The following PLEKHA5 variants were observed in gnomAD, a reference collection of about 807,000 sequenced individuals.
PLEKHA5 encodes the protein pleckstrin homology domain-containing family A member 5.
A neutral mutation model predicts 181.9 loss-of-function variants in PLEKHA5; 55 were observed. The observed-to-expected ratio is 0.30, with a 90% CI of 0.24 to 0.38. The LOEUF (loss-of-function observed/expected upper bound fraction) is 0.38. PLEKHA5 is among the 10% of genes least tolerant of loss of function. PLEKHA5 has a pLI of 1.00. For missense variants in PLEKHA5, 1,432 were observed against 1,549.5 expected (o/e 0.92, Z 1.27); for synonymous variants, 535 against 529.4 (o/e 1.01, Z -0.15).
intron 20 of PLEKHA5, among the ~76,000 whole-genome samples, chr12:19,326,349 C>G (rs556883598): frequency 3.9e-5 from 6 of 152,276 alleles, no homozygotes; most frequent in African/African-American, 1.4e-4. Context: ...ATTTGAATTA[C>G]ATTTTTGCTG....
chr12:19,178,605 C>G (rs920322594), intron 3 of PLEKHA5, among the ~76,000 whole-genome samples: 1 of 152,186 alleles, frequency 6.6e-6, no homozygotes, highest in African/African-American at 2.4e-5. Context: ...TTTTGAGAAC[C>G]TGCTTACCTC....
chr12:19,334,309 A>G (rs917104430), intron 20 of PLEKHA5, among the ~76,000 whole-genome samples: 19 of 152,212 alleles, frequency 1.2e-4, no homozygotes, highest in Admixed American at 1.2e-3. Context: ...AGGACTCTCC[A>G]GGTTAGGAAA....
chr12:19,263,115 G>A (rs1454524192), intron 7 of PLEKHA5, among the ~76,000 whole-genome samples: 3 of 152,022 alleles, frequency 2.0e-5, no homozygotes, highest in Non-Finnish European at 4.4e-5. Context: ...TTATCAATAA[G>A]AAATATTAGA....
chr12:19,211,205 G>GC (rs1299639516), intron 3 of PLEKHA5, among the ~76,000 whole-genome samples: 4 of 152,020 alleles, frequency 2.6e-5, no homozygotes, highest in South Asian at 4.2e-4. Context: ...CACATACCCT[G>GC]CCCCCACCAA....
At position 19,359,517 on chromosome 12, in the gene PLEKHA5, G is replaced by A. The variant is rs139797445; in HGVS notation, c.3454G>A (p.Glu1152Lys). The A allele has an allele frequency of 3.4e-5, 55 of 1,613,856 alleles. No individual in the cohort carries two copies. Among genetic ancestry groups the A allele is most frequent in the Middle Eastern group, 1.6e-4 (1 of 6,062 alleles). The change falls in exon 28 of 32, where the codon GAA (glutamate) becomes AAA (lysine). Residue 1152 changes from glutamate to lysine, a missense_variant. Physicochemically the swap from Glu to Lys is moderately conservative, Grantham distance 56 (BLOSUM62 1). Around this residue, in one of 2 missense-constraint regions of PLEKHA5, gnomAD observed 1,143 missense variants for 1,168.4 expected, o/e 0.98. Transcript: ENST00000429027. Reference sequence around the variant, plus strand: ...AGAAATTGTTCAACTAAAAGAAACCGAACCCCAAAATGTGGACTTCAGCAA... The same window carrying A: ...AGAAATTGTTCAACTAAAAGAAACCAAACCCCAAAATGTGGACTTCAGCAA... ...ATEIVQLKET[E>K]PQNVDFSKEL... is the part of the protein sequence containing the mutation.
intron 20 of PLEKHA5, among the ~76,000 whole-genome samples, chr12:19,325,623 G>C (rs2091916484): frequency 2.0e-5 from 3 of 151,110 alleles, no homozygotes; most frequent in Admixed American, 2.0e-4. Context: ...GGGAGGCGGT[G>C]GTTGCAGTGA....
intron 1 of PLEKHA5, 53 bp downstream of exon 1, chr12:19,129,941 G>A (rs2032871898): frequency 6.5e-7 from 1 of 1,530,248 alleles, no homozygotes; most frequent in Non-Finnish European, 8.9e-7. Context: ...GGCAGGAGGC[G>A]GGCGGCTGGC....
intron 3 of PLEKHA5, among the ~76,000 whole-genome samples, chr12:19,235,344 T>A (rs1196340636): frequency 6.6e-6 from 1 of 152,236 alleles, no homozygotes; most frequent in Non-Finnish European, 1.5e-5. Context: ...AAAATTTTTA[T>A]ATCAGTAGCA....
At position 19,369,713 on chromosome 12, in the gene PLEKHA5, C is replaced by T. The variant is rs369163265; in HGVS notation, c.3775C>T (p.Pro1259Ser). ...TMAVKSLSPS[P>S]ESSASPVPST... Reference sequence around the variant, plus strand: ...TTTAGTGAAAAGTCTGTCCCCATCTCCTGAGTCCTCGGCATCGCCAGTTCC... The same window carrying T: ...TTTAGTGAAAAGTCTGTCCCCATCTTCTGAGTCCTCGGCATCGCCAGTTCC... Residue 1259 changes from proline (P) to serine (S), a missense_variant, in exon 31 of 32, where the codon CCT becomes TCT. By Grantham distance (74) the Pro-to-Ser change is moderately conservative. Around this residue, in one of 2 missense-constraint regions of PLEKHA5, gnomAD observed 1,143 missense variants for 1,168.4 expected, o/e 0.98. Transcript: ENST00000429027. The T allele has an allele frequency of 1.6e-5, 25 of 1,611,622 alleles. No individual in the cohort carries two copies. The African/African-American group carries it at 3.1e-4, about 20-fold the overall frequency.
chr12:19,173,305 G>C (rs966735137), intron 3 of PLEKHA5, among the ~76,000 whole-genome samples: 1 of 151,206 alleles, frequency 6.6e-6, no homozygotes, highest in Middle Eastern at 3.4e-3. Flanking sequence ...TTACAGGCGT[G>C]AGCCACCGCG....
chr12:19,349,976 G>T (rs2094516059), intron 25 of PLEKHA5, among the ~76,000 whole-genome samples: 1 of 152,038 alleles, frequency 6.6e-6, no homozygotes, highest in Non-Finnish European at 1.5e-5. Flanking sequence ...GCCATGCATG[G>T]TAGCACACAC....
chr12:19,306,375 C>G (rs934499862), intron 15 of PLEKHA5: 1 of 505,760 alleles, frequency 2.0e-6, no homozygotes, highest in Middle Eastern at 3.0e-4. Context: ...AGCGTGCTCT[C>G]TTCCCCTCCC....
At chr12:19,311,686 T>C (rs1354399672) in intron 15 of PLEKHA5, among the ~76,000 whole-genome samples, 1 of 152,196 alleles carries the variant, frequency 6.6e-6, no homozygotes, top group East Asian at 1.9e-4. Context: ...CAGGCTTCAC[T>C]TCTGATTCTT....
At chr12:19,301,392 C>G (rs1452577177) in intron 15 of PLEKHA5, among the ~76,000 whole-genome samples, 1 of 151,852 alleles carries the variant, frequency 6.6e-6, no homozygotes, top group Non-Finnish European at 1.5e-5. Flanking sequence ...TTTCCTGTTT[C>G]CTGTGGATGC....
chr12:19,284,471 A>G (rs2076822948), intron 12 of PLEKHA5, among the ~76,000 whole-genome samples: 1 of 152,192 alleles, frequency 6.6e-6, no homozygotes, highest in Non-Finnish European at 1.5e-5. Context: ...CCTGTTGTTC[A>G]TGAGGATAAA....
chr12:19,332,722 G>C (rs936687380), intron 20 of PLEKHA5, among the ~76,000 whole-genome samples: 11 of 152,180 alleles, frequency 7.2e-5, no homozygotes, highest in Admixed American at 2.0e-4. Flanking sequence ...GGAGTACAAT[G>C]GCACAATCTC....
At chr12:19,294,826 A>C (rs1258467485) in intron 15 of PLEKHA5, among the ~76,000 whole-genome samples, 1 of 152,180 alleles carries the variant, frequency 6.6e-6, no homozygotes, top group Non-Finnish European at 1.5e-5. Context: ...GGCAATCCAA[A>C]AATCTTGACT....
chr12:19,219,613 T>TA (rs1372167585), intron 3 of PLEKHA5, among the ~76,000 whole-genome samples: 6 of 152,126 alleles, frequency 3.9e-5, no homozygotes. Flanking sequence ...TGTTATTATT[T>TA]TAAAAGCATG....
At position 19,302,482 on chromosome 12, in the gene PLEKHA5, A is replaced by G. The variant is rs190373532; in HGVS notation, c.2037+10785A>G. ...ATGATTTTGGCTCACTGCAACCTCT[A>G]CCTCCCAGGTTCAAGTGATTCTCCT... On this transcript the variant is annotated intron_variant, in intron 15 of 31. Coordinates refer to ENST00000429027, the MANE Select transcript of PLEKHA5 (RefSeq NM_001256470.2). Among the ~76,000 whole-genome samples the G allele has an allele frequency of 2.6e-3, 394 of 152,158 alleles. 2 individuals carry two copies. The highest frequency in any genetic ancestry group is 4.3e-3 in the Non-Finnish European group (295 of 67,984).
Sources: gnomAD v4.1 joint callset for allele counts (sites outside exome capture counted in the v4.1 genomes callset) on GRCh38, gnomAD v4.1.1 for gene constraint, gnomAD v4.1.1 regional missense constraint, MANE v1.5 for transcripts, NCBI Gene and HGNC (gene_info 2026-07-23, HGNC 2026-07-21) for gene names.